The following EIF3H variants were observed in gnomAD, a reference collection of about 807,000 sequenced individuals.
EIF3H encodes the protein eukaryotic translation initiation factor 3 subunit H, also known as eIF-3-gamma.
In EIF3H, 26 loss-of-function variants were observed where a neutral mutation model predicts 44.2. The observed-to-expected ratio is 0.59, with a 90% CI of 0.43 to 0.82. EIF3H has a LOEUF of 0.82. EIF3H is among the 40% of genes least tolerant of loss of function. EIF3H has a pLI of 0.00. For missense variants in EIF3H, 359 were observed against 432.8 expected, an observed-to-expected ratio of 0.83 and a Z score of 1.51; for synonymous variants, 166 against 151.9, an observed-to-expected ratio of 1.09 and a Z score of -0.68.
chr8:116,746,520 G>A (rs1296828884), intron 1 of EIF3H, among the ~76,000 whole-genome samples: 1 of 152,134 alleles, frequency 6.6e-6, no homozygotes, highest in Non-Finnish European at 1.5e-5. Flanking sequence ...GCTATAAAAT[G>A]TAAAAGAAAA....
At chr8:116,752,775 G>GGAAGGAA (rs1563663175) in intron 1 of EIF3H, among the ~76,000 whole-genome samples, 39 of 59,908 alleles carry the variant, frequency 6.5e-4, no homozygotes, top group Non-Finnish European at 1.3e-3. Context: ...GAGGGAGGGA[G>GGAAGGAA]GGAGGGAGGG....
At chr8:116,749,411 T>C (rs888165522) in intron 1 of EIF3H, among the ~76,000 whole-genome samples, 3 of 152,230 alleles carry the variant, frequency 2.0e-5, no homozygotes, top group Non-Finnish European at 4.4e-5. Flanking sequence ...GTGATACGTA[T>C]GTCTGCATTT....
rs1563645293 is a variant in EIF3H at position 116,697,166 on chromosome 8, GT to G, written c.289+28849del. 16 of 456,178 alleles carry G rather than the reference GT, an allele frequency of 3.5e-5. No individual in the cohort carries two copies. In the East Asian group the frequency reaches 1.1e-3, roughly 32 times the overall value. The allele number at this position is 456,178 out of a possible 1,614,324, so 28.3% of individuals were successfully genotyped here. On this transcript the variant is annotated intron_variant, in intron 2 of 7. Coordinates refer to ENST00000521861, the MANE Select transcript of EIF3H (RefSeq NM_003756.3). Reference sequence around the variant, plus strand: ...TCTGCTTCCCTTCCCTCCCAAACCTGTGCCTCTTCTCCTGTGTGTGCTTGTC... The same window carrying G: ...TCTGCTTCCCTTCCCTCCCAAACCTGGCCTCTTCTCCTGTGTGTGCTTGTC...
intron 1 of EIF3H, among the ~76,000 whole-genome samples, chr8:116,730,422 T>A (rs1454703142): frequency 1.3e-5 from 2 of 152,158 alleles, no homozygotes; most frequent in African/African-American, 4.8e-5. Flanking sequence ...AACAGTGTCA[T>A]CCAGAAACCA....
At chr8:116,676,140 C>T (rs1046510070) in intron 2 of EIF3H, among the ~76,000 whole-genome samples, 23 of 152,292 alleles carry the variant, frequency 1.5e-4, no homozygotes, top group Non-Finnish European at 3.2e-4. Flanking sequence ...CAGATACATA[C>T]GCAATTAAGA....
chr8:116,695,062 TAA>T (rs1369243269), intron 2 of EIF3H, among the ~76,000 whole-genome samples: 37 of 149,908 alleles, frequency 2.5e-4, no homozygotes, highest in African/African-American at 8.8e-4. Context: ...GTAAACTTCC[TAA>T]TTCTTTTTTT....
At position 116,681,255 on chromosome 8, in the gene EIF3H, C is replaced by G. The variant is rs150793564; in HGVS notation, c.290-22275G>C. Among the ~76,000 whole-genome samples the G allele has an allele frequency of 3.3e-5, 5 of 152,078 alleles. No homozygotes were observed. In the East Asian group the frequency reaches 9.7e-4, roughly 29 times the overall value. Reference sequence around the variant, plus strand: ...GAGCACGCCTGTAGTCCTAGCTATTCAGGAGGCTGAGGCACGAGAATCACT... The same window carrying G: ...GAGCACGCCTGTAGTCCTAGCTATTGAGGAGGCTGAGGCACGAGAATCACT... On this transcript the variant is annotated intron_variant, in intron 2 of 7. Coordinates refer to ENST00000521861, the MANE Select transcript of EIF3H (RefSeq NM_003756.3).
chr8:116,678,846 C>A (rs1171802691), intron 2 of EIF3H, among the ~76,000 whole-genome samples: 2 of 145,922 alleles, frequency 1.4e-5, no homozygotes, highest in African/African-American at 5.0e-5. Context: ...GCAGCCACCC[C>A]GACCGGGAGG....
chr8:116,681,057 A>C (rs1813979998), intron 2 of EIF3H, among the ~76,000 whole-genome samples: 1 of 151,972 alleles, frequency 6.6e-6, no homozygotes, highest in Non-Finnish European at 1.5e-5. Context: ...ACTTAATCTG[A>C]AACACATACA....
At chr8:116,745,658 T>C (rs982059892) in intron 1 of EIF3H, among the ~76,000 whole-genome samples, 17 of 152,156 alleles carry the variant, frequency 1.1e-4, no homozygotes, top group Admixed American at 1.3e-4. Flanking sequence ...TGGCCCAGTG[T>C]GGTGTCTCAT....
In EIF3H at chr8:116,684,303, G is replaced by A. The variant is rs547039798; in HGVS notation, c.290-25323C>T. Among the ~76,000 whole-genome samples, 406 of 152,252 alleles carry A rather than the reference G, an allele frequency of 2.7e-3. 2 individuals are homozygous for A. The highest frequency in any genetic ancestry group is 4.6e-3 in the Non-Finnish European group (310 of 68,000). ...TGCAGATGTGAGGGCTTTTTCCAAA[G>A]TATTTGATTGAAAGTAGAAAAAACA... On this transcript the variant is annotated intron_variant, in intron 2 of 7. Transcript: ENST00000521861.
chr8:116,658,608 A>G lies in EIF3H; in HGVS notation c.457+205T>C, dbSNP rs1586436030. Reference sequence around the variant, plus strand: ...CAGCTACTCCAGCATTCCAAAATGTACACATCAGGGCTCTGATAGCAAGAA... The same window carrying G: ...CAGCTACTCCAGCATTCCAAAATGTGCACATCAGGGCTCTGATAGCAAGAA... On this transcript the variant is annotated intron_variant, in intron 3 of 7. Coordinates refer to ENST00000521861, the MANE Select transcript of EIF3H (RefSeq NM_003756.3). 5 of 478,342 alleles carry G rather than the reference A, an allele frequency of 1.0e-5. No individual in the cohort carries two copies. The South Asian group carries it at 1.4e-4, about 13-fold the overall frequency. 29.6% of individuals were successfully genotyped at this position (478,342 alleles called of 1,614,324 possible). A position where few individuals can be genotyped will look rare whatever the true frequency, so the allele number is the denominator to read the frequency against.
At chr8:116,736,854 T>A (rs1244928784) in intron 1 of EIF3H, among the ~76,000 whole-genome samples, 1 of 152,188 alleles carries the variant, frequency 6.6e-6, no homozygotes, top group Non-Finnish European at 1.5e-5. Flanking sequence ...TAACCCTACC[T>A]ATTATGTATA....
intron 1 of EIF3H, among the ~76,000 whole-genome samples, chr8:116,752,664 TGAA>T (rs1815360657): frequency 2.2e-5 from 2 of 92,838 alleles, no homozygotes; most frequent in South Asian, 3.5e-4. Flanking sequence ...AAGACAGAAA[TGAA>T]GAAAGAAAGA....
intron 2 of EIF3H, among the ~76,000 whole-genome samples, chr8:116,675,054 T>C (rs1384262247): frequency 6.6e-6 from 1 of 152,114 alleles, no homozygotes; most frequent in East Asian, 1.9e-4. Context: ...CTTTGGAAAA[T>C]ATAAAATATC....
intron 6 of EIF3H, among the ~76,000 whole-genome samples, chr8:116,648,193 G>A (rs1813336019): frequency 6.6e-6 from 1 of 152,090 alleles, no homozygotes; most frequent in Non-Finnish European, 1.5e-5. Context: ...TGAATCAAAT[G>A]CTAAGAACAC....
upstream of EIF3H, among the ~76,000 whole-genome samples, chr8:116,756,462 C>T (rs1209881069): frequency 1.3e-5 from 2 of 152,176 alleles, no homozygotes; most frequent in African/African-American, 4.8e-5. Context: ...ATTTATGACA[C>T]ATTACTCTGA....
chr8:116,685,955 C>G (rs1263403865), intron 2 of EIF3H, among the ~76,000 whole-genome samples: 1 of 152,114 alleles, frequency 6.6e-6, no homozygotes, highest in Non-Finnish European at 1.5e-5. Context: ...CAACGGCAAA[C>G]TGAAAAGTGT....
At chr8:116,752,632 C>T (rs1035744961) in intron 1 of EIF3H, among the ~76,000 whole-genome samples, 1 of 143,470 alleles carries the variant, frequency 7.0e-6, no homozygotes, top group Non-Finnish European at 1.5e-5. Flanking sequence ...ATATTGCTTT[C>T]CTAAGAGTAA....
Sources: allele counts gnomAD v4.1 joint callset (sites outside exome capture counted in the v4.1 genomes callset), GRCh38; gene constraint gnomAD v4.1.1; transcripts MANE v1.5; gene names NCBI Gene and HGNC (gene_info 2026-07-23, HGNC 2026-07-21).